PARD3B: variants seen among roughly 807,000 people sequenced by gnomAD.
PARD3B encodes the protein par-3 family cell polarity regulator beta.
PARD3B carries 103 observed loss-of-function variants against 130.2 expected under a neutral mutation model. The ratio of observed to expected loss-of-function variants is 0.79; its 90% confidence interval spans 0.67 to 0.93. PARD3B has a LOEUF of 0.93. Ranked by LOEUF, PARD3B falls within the 40% of genes least tolerant of loss-of-function variation. PARD3B has a pLI of 0.00. For synonymous variants in PARD3B, 583 were observed against 553.2 expected, an observed-to-expected ratio of 1.05 and a Z score of -0.76; for missense variants, 1,609 against 1,499.2, an observed-to-expected ratio of 1.07 and a Z score of -1.21.
At chr2:205,603,003 A>G (rs1323537693) in intron 22 of PARD3B, among the ~76,000 whole-genome samples, 2 of 152,212 alleles carry the variant, frequency 1.3e-5, no homozygotes, top group Non-Finnish European at 2.9e-5. Flanking sequence ...CATTAGTGCT[A>G]TAAATTTCCC....
At position 205,592,806 on chromosome 2, in the gene PARD3B, T is replaced by C. The variant is rs1004629045; in HGVS notation, c.3261-22650T>C. On this transcript the variant is annotated intron_variant, in intron 22 of 22. Transcript: ENST00000406610. The surrounding 1 kb of genome is among the most constrained non-coding windows in gnomAD (Gnocchi z 4.5). ...GATGGCCAAATCAAGAACCTTTCTC[T>C]TGGCCTCTGAGCTACTTGCCCAAAC... Among the ~76,000 whole-genome samples, 2 of 152,360 alleles carry C rather than the reference T, an allele frequency of 1.3e-5. No individual in the cohort carries two copies. Among genetic ancestry groups the C allele is most frequent in the African/African-American group, 4.8e-5 (2 of 41,600 alleles).
In PARD3B at chr2:204,887,356, G is replaced by T. The variant is rs2125681938; in HGVS notation, c.223-77796G>T. Among the ~76,000 whole-genome samples, 1 of 152,270 alleles carries T rather than the reference G, an allele frequency of 6.6e-6. No homozygotes were observed. The highest frequency in any genetic ancestry group is 2.4e-5 in the African/African-American group (1 of 41,560). On this transcript the variant is annotated intron_variant, in intron 2 of 22. Coordinates refer to ENST00000406610, the MANE Select transcript of PARD3B (RefSeq NM_001302769.2). The surrounding 1 kb of genome is among the most constrained non-coding windows in gnomAD (Gnocchi z 4.2). ...ATATATCTTTGTTTAAAAAGCATTA[G>T]TGGAATATTACTGAAGCCGAAGCCA...
chr2:204,863,741 T>C (rs1056574955), intron 2 of PARD3B, among the ~76,000 whole-genome samples: 4 of 152,232 alleles, frequency 2.6e-5, no homozygotes, highest in Non-Finnish European at 4.4e-5. Flanking sequence ...GATCTCAATG[T>C]GCATGAAATT....
At chr2:204,876,073 C>G (rs1223120303) in intron 2 of PARD3B, among the ~76,000 whole-genome samples, 1 of 152,142 alleles carries the variant, frequency 6.6e-6, no homozygotes, top group Non-Finnish European at 1.5e-5. Context: ...GGCAGTGGAG[C>G]CAGTTGTAAG....
chr2:204,976,466 A>T (rs1471421937), intron 3 of PARD3B, among the ~76,000 whole-genome samples: 1 of 152,184 alleles, frequency 6.6e-6, no homozygotes, highest in African/African-American at 2.4e-5. Context: ...ATATATGTAC[A>T]TGTAAAACAC....
At chr2:205,109,437 T>A (rs966192368) in intron 5 of PARD3B, among the ~76,000 whole-genome samples, 2 of 152,212 alleles carry the variant, frequency 1.3e-5, no homozygotes, top group African/African-American at 4.8e-5. Context: ...AAGGCTTTTT[T>A]AAGAAAGTCT....
At chr2:205,190,619 T>C (rs1313644501) in intron 14 of PARD3B, among the ~76,000 whole-genome samples, 1 of 152,186 alleles carries the variant, frequency 6.6e-6, no homozygotes, top group East Asian at 1.9e-4. Context: ...CCTGGCCAGC[T>C]GTGTGACCTG....
rs1016924780 is a variant in PARD3B at position 204,882,855 on chromosome 2, T to A, written c.223-82297T>A. Among the ~76,000 whole-genome samples the A allele has an allele frequency of 9.2e-5, 14 of 152,180 alleles. 1 individual carries two copies. Among genetic ancestry groups the A allele is most frequent in the Admixed American group, 8.5e-4 (13 of 15,266 alleles). On this transcript the variant is annotated intron_variant, in intron 2 of 22. Transcript: ENST00000406610. The stretch of plus-strand genomic sequence containing the variant: ...GCAATAGAACCTCAGAGGGTTAACC[T>A]ACAATACCATCAAATACCATTCAGA...
At chr2:205,476,326 G>A (rs1480535681) in intron 20 of PARD3B, among the ~76,000 whole-genome samples, 1 of 152,132 alleles carries the variant, frequency 6.6e-6, no homozygotes, top group Admixed American at 6.6e-5. Flanking sequence ...AATACATTAG[G>A]TAGAATGGTG....
intron 16 of PARD3B, among the ~76,000 whole-genome samples, chr2:205,272,759 G>C (rs986524298): frequency 6.6e-6 from 1 of 152,148 alleles, no homozygotes; most frequent in Non-Finnish European, 1.5e-5. Context: ...ACATAATTCT[G>C]TCCCTTTTAT....
intron 2 of PARD3B, among the ~76,000 whole-genome samples, chr2:204,962,263 A>G (rs953685060): frequency 6.6e-6 from 1 of 152,166 alleles, no homozygotes; most frequent in Admixed American, 6.6e-5. Flanking sequence ...AGGGCAGACC[A>G]GAAGGAGAGA....
intron 2 of PARD3B, among the ~76,000 whole-genome samples, chr2:204,940,309 G>A (rs1688802071): frequency 6.6e-6 from 1 of 152,118 alleles, no homozygotes; most frequent in South Asian, 2.1e-4. Flanking sequence ...CCTGAAAAAT[G>A]TGATAACATC....
Position 205,241,260 on chromosome 2 carries a change from T to C in PARD3B, c.2141-4518T>C, listed in dbSNP as rs2039339276. 6.6e-6 allele frequency among the ~76,000 whole-genome samples: 1 copy of C among 152,064 alleles called. No individual in the cohort carries two copies. The highest frequency in any genetic ancestry group is 1.5e-5 in the Non-Finnish European group (1 of 67,988). Reference sequence around the variant, plus strand: ...TCTTTATTAAGCACCTTATGATAATTAGGTAAAATAATGTACATCAATCTT... The same window carrying C: ...TCTTTATTAAGCACCTTATGATAATCAGGTAAAATAATGTACATCAATCTT... On this transcript the variant is annotated intron_variant, in intron 15 of 22. Transcript: ENST00000406610. This position sits in a 1 kb window ranked among gnomAD's most constrained non-coding sequence, Gnocchi z 4.2.
At chr2:205,239,111 G>A (rs1051137453) in intron 15 of PARD3B, among the ~76,000 whole-genome samples, 1 of 151,394 alleles carries the variant, frequency 6.6e-6, no homozygotes, top group Non-Finnish European at 1.5e-5. Flanking sequence ...TTACAAATAA[G>A]TTCAGTAAGC....
At chr2:205,339,830 T>G (rs1174976056) in intron 18 of PARD3B, among the ~76,000 whole-genome samples, 3 of 152,116 alleles carry the variant, frequency 2.0e-5, no homozygotes, top group African/African-American at 4.8e-5. Context: ...ACAAAACATT[T>G]GACCTGGAGA....
intron 2 of PARD3B, among the ~76,000 whole-genome samples, chr2:204,842,876 A>G (rs1575115130): frequency 6.6e-6 from 1 of 152,260 alleles, no homozygotes; most frequent in South Asian, 2.1e-4. Context: ...CTCGAAGGGA[A>G]GCTGAGTCAT....
intron 2 of PARD3B, among the ~76,000 whole-genome samples, chr2:204,704,810 T>C (rs1449072000): frequency 6.6e-6 from 1 of 152,114 alleles, no homozygotes; most frequent in Non-Finnish European, 1.5e-5. Flanking sequence ...GCTTGGAGAA[T>C]GATAACAAAA....
chr2:205,186,081 A>G (rs910113835), intron 14 of PARD3B, among the ~76,000 whole-genome samples: 2 of 152,158 alleles, frequency 1.3e-5, no homozygotes, highest in Non-Finnish European at 2.9e-5. Context: ...GTTAAGATTC[A>G]CCTTAAATTA....
intron 2 of PARD3B, among the ~76,000 whole-genome samples, chr2:204,719,413 TTAAG>T (rs2038892848): frequency 6.6e-6 from 1 of 152,216 alleles, no homozygotes; most frequent in Non-Finnish European, 1.5e-5. Context: ...GACAGAAAAT[TTAAG>T]TAATGAAAAT....
Sources: gnomAD v4.1 joint callset for allele counts (sites outside exome capture counted in the v4.1 genomes callset) on GRCh38, gnomAD v4.1.1 for gene constraint, Gnocchi (gnomAD v3.1) non-coding constraint, MANE v1.5 for transcripts, NCBI Gene and HGNC (gene_info 2026-07-23, HGNC 2026-07-21) for gene names.